Variants in PADI1 observed in about 807,000 individuals in gnomAD.
PADI1 encodes the protein protein-arginine deiminase type-1.
Under a neutral mutation model 74.8 loss-of-function variants are expected in PADI1, and 65 were observed. That is an observed-to-expected ratio of 0.87 (90% CI 0.71 to 1.07). The LOEUF (loss-of-function observed/expected upper bound fraction) is 1.07. PADI1 is among the 50% of genes least tolerant of loss of function. The probability of loss-of-function intolerance (pLI) is 0.00; values close to 1 mark genes in which losing one functional copy is unlikely to be tolerated. For missense variants in PADI1, 943 were observed against 854.0 expected (o/e 1.10, Z -1.30); for synonymous variants, 371 against 336.2 (o/e 1.10, Z -1.13).
At chr1:17,223,910 A>T (rs116218384) in intron 3 of PADI1, among the ~76,000 whole-genome samples, 9,427 of 152,334 alleles carry the variant, frequency 0.062, 424 homozygotes, top group Non-Finnish European at 0.094. Flanking sequence ...TTCACTGCCC[A>T]GTGAACAACG....
intron 15 of PADI1, 27 bp from the exon 16 acceptor site, chr1:17,243,983 C>A: frequency 6.6e-7 from 1 of 1,526,576 alleles, no homozygotes; most frequent in Non-Finnish European, 9.1e-7. Flanking sequence ...GCCAGACAGC[C>A]TCCCTCTTGC....
intron 6 of PADI1, 83 bp downstream of exon 6, chr1:17,226,241 T>A: frequency 6.7e-7 from 1 of 1,494,054 alleles, no homozygotes; most frequent in Non-Finnish European, 9.2e-7. Flanking sequence ...TTTTTTTCCA[T>A]CACCTTTTTG....
chr1:17,241,177 T>A (rs2072768487), intron 15 of PADI1, among the ~76,000 whole-genome samples: 1 of 152,212 alleles, frequency 6.6e-6, no homozygotes, highest in Admixed American at 6.5e-5. Context: ...TGCTCCCCAG[T>A]GGGGGTCCTG....
At chr1:17,215,640 C>T (rs902454488) in intron 1 of PADI1, among the ~76,000 whole-genome samples, 40 of 152,180 alleles carry the variant, frequency 2.6e-4, no homozygotes, top group South Asian at 8.3e-4. Context: ...AACTCATGGG[C>T]CAGGCCGACT....
chr1:17,209,297 A>C (rs1404477121), intron 1 of PADI1, among the ~76,000 whole-genome samples: 1 of 152,148 alleles, frequency 6.6e-6, no homozygotes, highest in African/African-American at 2.4e-5. Context: ...TCACTGTGTC[A>C]CTGCAGCAGG....
intron 1 of PADI1, 26 bp from the exon 2 acceptor site, chr1:17,222,264 C>T (rs757640584): frequency 6.4e-7 from 1 of 1,574,714 alleles, no homozygotes; most frequent in South Asian, 1.1e-5. Flanking sequence ...AAGACTGGTT[C>T]TCTTCCCATC....
At chr1:17,236,211 C>G (rs762561501) in intron 11 of PADI1, among the ~76,000 whole-genome samples, 3 of 152,128 alleles carry the variant, frequency 2.0e-5, no homozygotes, top group African/African-American at 7.2e-5. Context: ...AATAAGTGAA[C>G]AAAACAAATA....
Position 17,228,991 on chromosome 1 carries a change from G to T in PADI1, c.869G>T (p.Arg290Leu), listed in dbSNP as rs778452294. 5.6e-6 allele frequency: 9 copies of T among 1,597,258 alleles called. No individual in the cohort carries two copies. In the South Asian group the frequency reaches 1.0e-4, roughly 18 times the overall value. Residue 290 changes from arginine to leucine, a missense_variant, in exon 8 of 16, where the codon CGC becomes CTC. Coordinates refer to ENST00000375471, the MANE Select transcript of PADI1 (RefSeq NM_013358.3). ...CTCTTCACAGACACTGTGGGCTTCC[G>T]CATGGCCCCCTGGATCATGACGCCC... is the stretch of plus-strand genomic sequence containing the variant. ...VTLFTDTVGFRMAPWIMTPNT... is the reference protein window; with the variant it reads ...VTLFTDTVGFLMAPWIMTPNT...
intron 11 of PADI1, among the ~76,000 whole-genome samples, chr1:17,236,802 G>A (rs1409176075): frequency 6.6e-6 from 1 of 151,628 alleles, no homozygotes; most frequent in African/African-American, 2.4e-5. Flanking sequence ...AAGAAAGGAA[G>A]GAAGGAAGAG....
At chr1:17,217,179 T>C (rs1053177597) in intron 1 of PADI1, among the ~76,000 whole-genome samples, 9 of 152,046 alleles carry the variant, frequency 5.9e-5, no homozygotes, top group African/African-American at 2.2e-4. Flanking sequence ...CAATTACACA[T>C]TTCAGAACTT....
chr1:17,238,018 G>A (rs2072687052), intron 12 of PADI1, among the ~76,000 whole-genome samples: 1 of 152,128 alleles, frequency 6.6e-6, no homozygotes. Context: ...AGTGAAGGAG[G>A]AGACATCTGA....
rs770880898 is a variant in PADI1 at position 17,239,798 on chromosome 1, C to T, written c.1632+15C>T. The T allele has an allele frequency of 6.3e-7, 1 of 1,598,856 alleles. No individual in the cohort carries two copies. Among genetic ancestry groups the T allele is most frequent in the Non-Finnish European group, 8.6e-7 (1 of 1,166,760 alleles). On this transcript the variant is annotated intron_variant, in intron 14 of 15. Coordinates refer to ENST00000375471, the MANE Select transcript of PADI1 (RefSeq NM_013358.3). ...TTCATGCACAGGTGAGAGGCAGGAC[C>T]ACCAGCTGCTCTAAGGGGTCCTTTC...
intron 15 of PADI1, 115 bp downstream of exon 15, chr1:17,240,875 TG>T: frequency 8.8e-7 from 1 of 1,139,358 alleles, no homozygotes; most frequent in Non-Finnish European, 1.3e-6. Flanking sequence ...ACCTCTCCAG[TG>T]TCTGTTTTTG....
At position 17,244,317 on chromosome 1, in the gene PADI1, C is replaced by A. The variant is rs1231471938; in HGVS notation, c.*74C>A. 4 of 1,112,242 alleles carry A rather than the reference C, an allele frequency of 3.6e-6. No homozygotes were observed. Among genetic ancestry groups the A allele is most frequent in the Non-Finnish European group, 5.5e-6 (4 of 725,168 alleles). 68.9% of individuals were successfully genotyped at this position (1,112,242 alleles called of 1,614,324 possible). Reference sequence around the variant, plus strand: ...CCAGGGTGAAGGCAAGGAACAACCACCTGGCCTCCATTCTCTTGGGGGAGT... The same window carrying A: ...CCAGGGTGAAGGCAAGGAACAACCAACTGGCCTCCATTCTCTTGGGGGAGT... On this transcript the variant is annotated 3_prime_UTR_variant, in exon 16 of 16. Transcript: ENST00000375471.
rs369277781 is a variant in PADI1 at position 17,230,765 on chromosome 1, T to A, written c.1161+86T>A. 333 of 748,400 alleles carry A rather than the reference T, an allele frequency of 4.4e-4. 3 individuals carry two copies. The South Asian group carries it at 5.0e-3, about 11-fold the overall frequency. The allele number at this position is 748,400 out of a possible 1,614,324, so 46.4% of individuals were successfully genotyped here. On this transcript the variant is annotated intron_variant, in intron 10 of 15. Coordinates refer to ENST00000375471, the MANE Select transcript of PADI1 (RefSeq NM_013358.3). ...GAAGTCTCATCTGGACCTAGTCCTATAGGGCTCAGAGAACAGGAAGAGGGG... is the reference window on the plus strand; with the variant it reads ...GAAGTCTCATCTGGACCTAGTCCTAAAGGGCTCAGAGAACAGGAAGAGGGG...
In PADI1 at chr1:17,242,562, G is replaced by A. The variant is rs11577718; in HGVS notation, c.1759-1448G>A. Among the ~76,000 whole-genome samples the A allele has an allele frequency of 4.1e-3, 621 of 152,288 alleles. 6 individuals are homozygous for A. Among genetic ancestry groups the A allele is most frequent in the African/African-American group, 0.014 (569 of 41,546 alleles). On this transcript the variant is annotated intron_variant, in intron 15 of 15. Transcript: ENST00000375471. ...GTCTGTGGTCTGGCCTCCATCTGCCGGAAGCCCCTGACTGTGGGTCATCCT... is the reference window on the plus strand; with the variant it reads ...GTCTGTGGTCTGGCCTCCATCTGCCAGAAGCCCCTGACTGTGGGTCATCCT...
At chr1:17,219,628 T>C (rs1042514868) in intron 1 of PADI1, among the ~76,000 whole-genome samples, 5 of 151,978 alleles carry the variant, frequency 3.3e-5, no homozygotes, top group African/African-American at 9.7e-5. Flanking sequence ...CTGAGGAACA[T>C]GGCAGGAGCT....
intron 1 of PADI1, among the ~76,000 whole-genome samples, chr1:17,206,973 A>G (rs12138305): frequency 0.38 from 57,637 of 151,932 alleles, 13,112 homozygotes; most frequent in African/African-American, 0.64. Flanking sequence ...GAGCCACCGT[A>G]CCTGGCCACT....
chr1:17,206,683 C>CT (rs796276122), intron 1 of PADI1, among the ~76,000 whole-genome samples: 3,388 of 109,728 alleles, frequency 0.031, 133 homozygotes, highest in Non-Finnish European at 0.05. Flanking sequence ...TTTTCTTTTT[C>CT]TTTTTTTTTT....
Sources: allele counts gnomAD v4.1 joint callset (sites outside exome capture counted in the v4.1 genomes callset), GRCh38; gene constraint gnomAD v4.1.1; transcripts MANE v1.5; gene names NCBI Gene and HGNC (gene_info 2026-07-23, HGNC 2026-07-21).